Variants in ELOVL5 observed in about 807,000 individuals in gnomAD.
The protein encoded by ELOVL5 is ELOVL fatty acid elongase 5.
ELOVL5 carries 8 observed loss-of-function variants against 38.6 expected under a neutral mutation model. The observed-to-expected ratio is 0.21, with a 90% CI of 0.12 to 0.37. The LOEUF is 0.37. Ranked by LOEUF, ELOVL5 falls within the 10% of genes least tolerant of loss-of-function variation. The probability of loss-of-function intolerance (pLI) is 1.00; values close to 1 mark genes in which losing one functional copy is unlikely to be tolerated. For missense variants in ELOVL5, 280 were observed against 367.8 expected (o/e 0.76, Z 1.95); for synonymous variants, 127 against 133.7 (o/e 0.95, Z 0.34).
intron 1 of ELOVL5, among the ~76,000 whole-genome samples, chr6:53,344,720 A>C (rs771594589): frequency 6.6e-6 from 1 of 152,226 alleles, no homozygotes; most frequent in Non-Finnish European, 1.5e-5. Flanking sequence ...CATTATTATT[A>C]CATCAATAAC....
chr6:53,335,278 C>T (rs768265364), intron 1 of ELOVL5, among the ~76,000 whole-genome samples: 2 of 152,168 alleles, frequency 1.3e-5, no homozygotes, highest in Non-Finnish European at 2.9e-5. Context: ...TCAAAGGCTC[C>T]GGGGAAAATG....
chr6:53,305,574 G>C (rs1223522659), intron 1 of ELOVL5, among the ~76,000 whole-genome samples: 8 of 151,126 alleles, frequency 5.3e-5, no homozygotes, highest in African/African-American at 1.9e-4. Context: ...GGTCGCGGCT[G>C]GGCCGAGGCG....
intron 1 of ELOVL5, among the ~76,000 whole-genome samples, chr6:53,332,901 T>C (rs1222907706): frequency 1.3e-5 from 2 of 152,194 alleles, no homozygotes; most frequent in African/African-American, 2.4e-5. Context: ...TGGGCCACTA[T>C]GTGCCCCCAG....
At chr6:53,320,337 TC>T (rs1194210902) in intron 1 of ELOVL5, among the ~76,000 whole-genome samples, 1 of 151,422 alleles carries the variant, frequency 6.6e-6, no homozygotes, top group Admixed American at 6.6e-5. Context: ...ACCCCACATT[TC>T]TTTTTTTTCT....
intron 3 of ELOVL5, among the ~76,000 whole-genome samples, chr6:53,279,269 A>C (rs554029138): frequency 6.6e-6 from 1 of 152,296 alleles, no homozygotes; most frequent in South Asian, 2.1e-4. Flanking sequence ...CTTTTCAACT[A>C]GAATGCCCTC....
chr6:53,337,912 A>G (rs946226207), intron 1 of ELOVL5, among the ~76,000 whole-genome samples: 10 of 152,222 alleles, frequency 6.6e-5, no homozygotes, highest in African/African-American at 2.2e-4. Flanking sequence ...TGGTAAAAGC[A>G]TGGTTGATGA....
chr6:53,321,699 A>G (rs1197939312), intron 1 of ELOVL5, among the ~76,000 whole-genome samples: 6 of 152,244 alleles, frequency 3.9e-5, no homozygotes, highest in Admixed American at 3.3e-4. Context: ...TTCTTCATTA[A>G]TTTAGTCTAA....
At chr6:53,321,059 T>C (rs563202351) in intron 1 of ELOVL5, among the ~76,000 whole-genome samples, 1 of 152,338 alleles carries the variant, frequency 6.6e-6, no homozygotes, top group East Asian at 1.9e-4. Flanking sequence ...CTGGATTCTT[T>C]GATGAACTGC....
chr6:53,305,487 G>A (rs1439546250), intron 1 of ELOVL5, among the ~76,000 whole-genome samples: 3 of 150,756 alleles, frequency 2.0e-5, no homozygotes, highest in Non-Finnish European at 4.4e-5. Context: ...TCTCAGACGG[G>A]GCAGTTGCCA....
chr6:53,302,423 G>A (rs1309210290), intron 1 of ELOVL5, among the ~76,000 whole-genome samples: 1 of 152,186 alleles, frequency 6.6e-6, no homozygotes, highest in Non-Finnish European at 1.5e-5. Flanking sequence ...GAGGGGATGG[G>A]GGTAGGTGGC....
intron 2 of ELOVL5, among the ~76,000 whole-genome samples, chr6:53,295,155 G>C (rs1156403740): frequency 1.3e-5 from 2 of 152,152 alleles, no homozygotes; most frequent in African/African-American, 4.8e-5. Flanking sequence ...GACTTTTACA[G>C]ATGACATCAA....
intron 1 of ELOVL5, among the ~76,000 whole-genome samples, chr6:53,348,028 C>A (rs1340398753): frequency 6.6e-6 from 1 of 151,328 alleles, no homozygotes; most frequent in Non-Finnish European, 1.5e-5. Context: ...AACCGCCCCC[C>A]CGCCGCGCGC....
intron 5 of ELOVL5, 79 bp downstream of exon 5, chr6:53,275,011 G>A: frequency 1.5e-6 from 2 of 1,375,554 alleles, no homozygotes; most frequent in South Asian, 2.7e-5. Context: ...TACAGAAACA[G>A]CACCTTTTCT....
intron 1 of ELOVL5, among the ~76,000 whole-genome samples, chr6:53,345,373 A>G (rs780394641): frequency 3.9e-5 from 6 of 152,194 alleles, no homozygotes; most frequent in Non-Finnish European, 8.8e-5. Context: ...CCAATTCAGG[A>G]ATGCTAGGCC....
At chr6:53,278,047 T>G (rs1451268601) in intron 3 of ELOVL5, among the ~76,000 whole-genome samples, 1 of 152,262 alleles carries the variant, frequency 6.6e-6, no homozygotes, top group Non-Finnish European at 1.5e-5. Flanking sequence ...ATCCTCTTTT[T>G]TAAAACAGCA....
At position 53,348,846 on chromosome 6, in the gene ELOVL5, G is replaced by T. The variant is rs1237079836; in HGVS notation, c.-38C>A. 2.2e-6 allele frequency: 1 copy of T among 458,868 alleles called. No individual in the cohort carries two copies. The highest frequency in any genetic ancestry group is 6.9e-5 in the East Asian group (1 of 14,412). The allele number at this position is 458,868 out of a possible 1,614,324, so 28.4% of individuals were successfully genotyped here. A position where few individuals can be genotyped will look rare whatever the true frequency, so the allele number is the denominator to read the frequency against. On this transcript the variant is annotated 5_prime_UTR_variant, in exon 1 of 8. Transcript: ENST00000304434. ...TAGCCCAAGGGGCGGCAGCAGCTTT[G>T]AGCAGCAGCAAGGCGGCGGCGGCGG...
chr6:53,332,383 G>A (rs531106914), intron 1 of ELOVL5, among the ~76,000 whole-genome samples: 39 of 152,246 alleles, frequency 2.6e-4, no homozygotes, highest in African/African-American at 9.1e-4. Context: ...TTCCAAATGA[G>A]GACGCTCCTC....
intron 2 of ELOVL5, chr6:53,294,240 T>A: frequency 6.6e-7 from 1 of 1,522,896 alleles, no homozygotes. Context: ...ATCCTTAGGA[T>A]CTAGTCAATC....
chr6:53,348,881 G>A lies in ELOVL5; in HGVS notation c.-73C>T. On this transcript the variant is annotated 5_prime_UTR_variant, in exon 1 of 8. Coordinates refer to ENST00000304434, the MANE Select transcript of ELOVL5 (RefSeq NM_021814.5). ...AAGGCGGCGGCGGCGGAGGGAGCGC[G>A]GGTGGCAGCCGGCGCAGAGGCGGAT... 2.2e-6 allele frequency: 1 copy of A among 455,454 alleles called. No homozygotes were observed. The highest frequency in any genetic ancestry group is 1.5e-5 in the South Asian group (1 of 64,986). 28.2% of individuals were successfully genotyped at this position (455,454 alleles called of 1,614,324 possible). A position where few individuals can be genotyped will look rare whatever the true frequency, so the allele number is the denominator to read the frequency against.
Sources: gnomAD v4.1 joint callset for allele counts (sites outside exome capture counted in the v4.1 genomes callset) on GRCh38, gnomAD v4.1.1 for gene constraint, MANE v1.5 for transcripts, NCBI Gene and HGNC (gene_info 2026-07-23, HGNC 2026-07-21) for gene names.